The following GNG2 variants were observed in gnomAD, a reference collection of about 807,000 sequenced individuals.
GNG2 encodes the protein G protein subunit gamma 2.
A neutral mutation model predicts 5.5 loss-of-function variants in GNG2; 5 were observed. The observed-to-expected ratio is 0.91, with a 90% CI of 0.48 to 1.92. The LOEUF is 1.92. GNG2 is among the 30% of genes most tolerant of loss of function. The pLI is 0.01. For synonymous variants in GNG2, 28 were observed against 32.0 expected (o/e 0.88, Z 0.42); for missense variants, 55 against 88.4 (o/e 0.62, Z 1.52).
intron 3 of GNG2, among the ~76,000 whole-genome samples, chr14:51,956,834 A>G (rs1889299084): frequency 1.3e-5 from 2 of 152,180 alleles, no homozygotes. Flanking sequence ...TGTAATGAAG[A>G]TGGATTATAT....
chr14:51,961,254 T>C (rs1417032960), intron 3 of GNG2, among the ~76,000 whole-genome samples: 1 of 152,202 alleles, frequency 6.6e-6, no homozygotes, highest in African/African-American at 2.4e-5. Context: ...AAATTGGAAG[T>C]ATAGAATGCT....
At chr14:51,890,889 T>C (rs1299263662) in intron 2 of GNG2, among the ~76,000 whole-genome samples, 2 of 64,212 alleles carry the variant, frequency 3.1e-5, no homozygotes, top group African/African-American at 1.5e-4. Context: ...GTTTATTTCA[T>C]ATACACATGG....
chr14:51,942,873 A>G (rs1888425996), intron 2 of GNG2, among the ~76,000 whole-genome samples: 1 of 152,084 alleles, frequency 6.6e-6, no homozygotes, highest in Non-Finnish European at 1.5e-5. Context: ...AGTACTTGGC[A>G]GGTGCTGGCA....
chr14:51,936,235 G>A (rs1887995472), intron 2 of GNG2, among the ~76,000 whole-genome samples: 1 of 152,182 alleles, frequency 6.6e-6, no homozygotes, highest in South Asian at 2.1e-4. Flanking sequence ...GGTTCTGCAA[G>A]ATACTTCTGG....
At chr14:51,872,161 A>G (rs1271513310) in intron 1 of GNG2, among the ~76,000 whole-genome samples, 1 of 152,210 alleles carries the variant, frequency 6.6e-6, no homozygotes, top group East Asian at 1.9e-4. Context: ...TTGCTCAAAT[A>G]AGCCAGAGAG....
At chr14:51,851,699 C>T (rs1170997987) in intron 2 of GNG2, among the ~76,000 whole-genome samples, 1 of 152,208 alleles carries the variant, frequency 6.6e-6, no homozygotes, top group Non-Finnish European at 1.5e-5. Flanking sequence ...GTCTGTCTCA[C>T]TAATAAATAG....
At chr14:51,926,586 C>A (rs1887335745) in intron 2 of GNG2, among the ~76,000 whole-genome samples, 1 of 152,166 alleles carries the variant, frequency 6.6e-6, no homozygotes, top group South Asian at 2.1e-4. Context: ...CATAAAGAGA[C>A]TCCCTACCGG....
At chr14:51,954,617 A>G (rs541768775) in intron 3 of GNG2, among the ~76,000 whole-genome samples, 20 of 152,336 alleles carry the variant, frequency 1.3e-4, no homozygotes, top group South Asian at 1.0e-3. Flanking sequence ...AAGAGCAGAA[A>G]TGTGGCTAGA....
intron 2 of GNG2, among the ~76,000 whole-genome samples, chr14:51,921,785 T>C (rs945019226): frequency 6.6e-6 from 1 of 152,196 alleles, no homozygotes; most frequent in Non-Finnish European, 1.5e-5. Flanking sequence ...TGAGACCTCA[T>C]AAATTAAACT....
chr14:51,910,314 A>C (rs1462842348), intron 2 of GNG2, among the ~76,000 whole-genome samples: 1 of 152,216 alleles, frequency 6.6e-6, no homozygotes, highest in East Asian at 1.9e-4. Flanking sequence ...GAGGCAGGAA[A>C]GAGGGGGGCT....
At chr14:51,883,356 A>G (rs531824048) in intron 2 of GNG2, among the ~76,000 whole-genome samples, 50 of 152,362 alleles carry the variant, frequency 3.3e-4, no homozygotes, top group African/African-American at 1.1e-3. Context: ...CATCATTTTT[A>G]AAAAATACTA....
intron 2 of GNG2, among the ~76,000 whole-genome samples, chr14:51,939,018 T>A (rs1888168434): frequency 6.6e-6 from 1 of 152,224 alleles, no homozygotes; most frequent in Non-Finnish European, 1.5e-5. Flanking sequence ...GTATTAGGCA[T>A]CCATAGGTTA....
intron 3 of GNG2, among the ~76,000 whole-genome samples, chr14:51,964,843 T>G (rs1411151280): frequency 6.6e-6 from 1 of 152,056 alleles, no homozygotes; most frequent in Non-Finnish European, 1.5e-5. Flanking sequence ...AGAACATTTT[T>G]GAAAAACCAG....
chr14:51,907,123 G>A (rs1392976184), intron 2 of GNG2, among the ~76,000 whole-genome samples: 1 of 152,112 alleles, frequency 6.6e-6, no homozygotes, highest in African/African-American at 2.4e-5. Flanking sequence ...AGGCATGACG[G>A]CTCCTGGATT....
chr14:51,842,323 A>T (rs1881505437), intron 2 of GNG2, among the ~76,000 whole-genome samples: 1 of 152,212 alleles, frequency 6.6e-6, no homozygotes, highest in Admixed American at 6.5e-5. Flanking sequence ...TTGTAGAGAG[A>T]ACAAGGAAGC....
At position 51,944,834 on chromosome 14, in the gene GNG2, C is replaced by T. The variant is rs117330091; in HGVS notation, c.-29-5816C>T. ...TTTTGTGCTTCAAAGGACAGTTCAACGGAGTGAAAAGACAGTCCACAGAAT... is the reference window on the plus strand; with the variant it reads ...TTTTGTGCTTCAAAGGACAGTTCAATGGAGTGAAAAGACAGTCCACAGAAT... On this transcript the variant is annotated intron_variant, in intron 2 of 3. Transcript: ENST00000556766. Among the ~76,000 whole-genome samples the T allele has an allele frequency of 2.7e-3, 406 of 152,182 alleles. 2 individuals are homozygous for T. Among genetic ancestry groups the T allele is most frequent in the Non-Finnish European group, 4.3e-3 (291 of 67,998 alleles).
chr14:51,920,367 AATAATT>A (rs1435015728), intron 2 of GNG2, among the ~76,000 whole-genome samples: 1 of 150,824 alleles, frequency 6.6e-6, no homozygotes, highest in African/African-American at 2.4e-5. Context: ...TAATAATTAT[AATAATT>A]ATAATACCTA....
intron 2 of GNG2, among the ~76,000 whole-genome samples, chr14:51,943,228 A>G (rs1176700933): frequency 6.6e-6 from 1 of 151,780 alleles, no homozygotes; most frequent in Non-Finnish European, 1.5e-5. Context: ...GAAATGAATC[A>G]CCCTCTTTTT....
chr14:51,935,129 G>A (rs117298928), intron 2 of GNG2, among the ~76,000 whole-genome samples: 6,267 of 149,560 alleles, frequency 0.042, 172 homozygotes, highest in East Asian at 0.13. Flanking sequence ...AGTTCACGCC[G>A]TTCTCCTACC....
Sources: gnomAD v4.1 joint callset for allele counts (sites outside exome capture counted in the v4.1 genomes callset) on GRCh38, gnomAD v4.1.1 for gene constraint, MANE v1.5 for transcripts, NCBI Gene and HGNC (gene_info 2026-07-23, HGNC 2026-07-21) for gene names.